CHL1: variants seen among roughly 807,000 people sequenced by gnomAD.
CHL1 encodes the protein cell adhesion molecule L1 like.
Under a neutral mutation model 141.9 loss-of-function variants are expected in CHL1, and 96 were observed. The ratio of observed to expected loss-of-function variants is 0.68; its 90% CI spans 0.57 to 0.80. CHL1 has a LOEUF of 0.80. CHL1 is among the 30% of genes least tolerant of loss of function. CHL1 has a pLI of 0.00. For synonymous variants in CHL1, 613 were observed against 502.2 expected, an observed-to-expected ratio of 1.22 and a Z score of -2.95; for missense variants, 1,820 against 1,457.2, an observed-to-expected ratio of 1.25 and a Z score of -4.05.
At chr3:234,311 C>T (rs988473920) in intron 1 of CHL1, among the ~76,000 whole-genome samples, 1 of 151,954 alleles carries the variant, frequency 6.6e-6, no homozygotes, top group Non-Finnish European at 1.5e-5. Context: ...CAATTATCCA[C>T]CTTAACCAAT....
intron 15 of CHL1, among the ~76,000 whole-genome samples, chr3:368,883 T>C (rs1281855872): frequency 6.6e-6 from 1 of 152,228 alleles, no homozygotes; most frequent in Non-Finnish European, 1.5e-5. Flanking sequence ...TTGTCAGTTT[T>C]GTCAAAGATC....
At chr3:344,022 T>C (rs1306660432) in intron 8 of CHL1, among the ~76,000 whole-genome samples, 1 of 152,156 alleles carries the variant, frequency 6.6e-6, no homozygotes, top group Non-Finnish European at 1.5e-5. Flanking sequence ...AATATGCAGG[T>C]AGTGAGGATG....
intron 9 of CHL1, among the ~76,000 whole-genome samples, chr3:345,506 C>A (rs1702696493): frequency 6.6e-6 from 1 of 151,136 alleles, no homozygotes. Flanking sequence ...TTTTTTGAGA[C>A]AGGGTCTCAC....
chr3:319,567 T>C, intron 2 of CHL1, 116 bp from the exon 3 acceptor site: 1 of 427,424 alleles, frequency 2.3e-6, no homozygotes, highest in Non-Finnish European at 3.9e-6. Context: ...AACAGTTTCA[T>C]AAGGAGGAAA....
rs1428365774 is a variant in CHL1, at chr3:394,761, C to T, written c.2983C>T (p.His995Tyr). 6.2e-7 allele frequency: 1 copy of T among 1,613,628 alleles called. No homozygotes were observed. The highest frequency in any genetic ancestry group is 8.5e-7 in the Non-Finnish European group (1 of 1,179,750). The change falls in exon 24 of 28, where the codon CAC becomes TAC. Residue 995 changes from histidine to tyrosine, a missense_variant. His to Tyr is a moderately conservative substitution (Grantham distance 83, BLOSUM62 2). Coordinates refer to ENST00000256509, the MANE Select transcript of CHL1 (RefSeq NM_006614.4). ...NITTPSKPSW[H>Y]LSNLNATTKY... ...TACAACTCCATCAAAGCCCAGCTGGCACCTCTCAAACCTGAATGCAACTAC... is the reference window on the plus strand; with the variant it reads ...TACAACTCCATCAAAGCCCAGCTGGTACCTCTCAAACCTGAATGCAACTAC...
At chr3:284,251 T>G (rs1248315323) in intron 2 of CHL1, among the ~76,000 whole-genome samples, 1 of 152,200 alleles carries the variant, frequency 6.6e-6, no homozygotes, top group Non-Finnish European at 1.5e-5. Context: ...AAGGAAGGAC[T>G]TTCTGAGGTG....
At chr3:250,678 C>G (rs1368669532) in intron 2 of CHL1, among the ~76,000 whole-genome samples, 1 of 152,026 alleles carries the variant, frequency 6.6e-6, no homozygotes, top group Non-Finnish European at 1.5e-5. Flanking sequence ...CAAAGTAAAC[C>G]TTATTGCCAA....
rs114197545 is a variant in CHL1 at position 346,488 on chromosome 3, C to T, written c.848+1779C>T. Among the ~76,000 whole-genome samples, 424 of 152,248 alleles carry T rather than the reference C, an allele frequency of 2.8e-3. 2 individuals are homozygous for T. Among genetic ancestry groups the T allele is most frequent in the African/African-American group, 9.5e-3 (394 of 41,544 alleles). ...TCTGTAATTCTTTTTTCTTATTTCC[C>T]ACAAATGCCTTCACTGACCTCTTGG... On this transcript the variant is annotated intron_variant, in intron 9 of 27. Transcript: ENST00000256509.
chr3:394,562 A>G, intron 23 of CHL1, 131 bp from the exon 24 acceptor site: 1 of 670,322 alleles, frequency 1.5e-6, no homozygotes, highest in East Asian at 2.7e-5. Context: ...TCATAGGATT[A>G]AATGAGTTGA....
chr3:344,487 A>ACACT, intron 8 of CHL1, 102 bp from the exon 9 acceptor site: 1 of 743,006 alleles, frequency 1.3e-6, no homozygotes, highest in Non-Finnish European at 2.2e-6. Flanking sequence ...ACACACACAC[A>ACACT]CACTCGTGTG....
intron 1 of CHL1, among the ~76,000 whole-genome samples, chr3:212,772 G>C (rs1700006657): frequency 6.6e-6 from 1 of 152,028 alleles, no homozygotes; most frequent in Non-Finnish European, 1.5e-5. Flanking sequence ...TCTTCTCAAA[G>C]CTCCTGTCTT....
chr3:241,839 GA>G lies in CHL1; in HGVS notation c.-174-2765del, dbSNP rs557146580. On this transcript the variant is annotated intron_variant, in intron 1 of 27. Coordinates refer to ENST00000256509, the MANE Select transcript of CHL1 (RefSeq NM_006614.4). The stretch of plus-strand genomic sequence containing the variant: ...TAAGTAAAAGAAACTAAGGGACTTT[GA>G]AAAAAAAACAACTTTTCACTAATAA... Among the ~76,000 whole-genome samples, 251 of 146,842 alleles carry G rather than the reference GA, an allele frequency of 1.7e-3. 2 individuals carry two copies. The highest frequency in any genetic ancestry group is 5.3e-3 in the African/African-American group (213 of 40,164).
chr3:229,423 A>G (rs1701669281), intron 1 of CHL1, among the ~76,000 whole-genome samples: 1 of 152,180 alleles, frequency 6.6e-6, no homozygotes, highest in African/African-American at 2.4e-5. Flanking sequence ...ATTCAGTTGC[A>G]GCCACTCCAG....
intron 2 of CHL1, among the ~76,000 whole-genome samples, chr3:286,627 A>AT (rs1553549638): frequency 6.6e-6 from 1 of 151,330 alleles, no homozygotes; most frequent in Admixed American, 6.6e-5. Context: ...AAAAAAAAAA[A>AT]ATTAAACAAA....
At chr3:359,265 A>G (rs1394312614) in intron 11 of CHL1, among the ~76,000 whole-genome samples, 1 of 151,880 alleles carries the variant, frequency 6.6e-6, no homozygotes, top group African/African-American at 2.4e-5. Context: ...TGGTCCTTAA[A>G]TGCATCAGAA....
chr3:226,533 T>C (rs1312750884), intron 1 of CHL1, among the ~76,000 whole-genome samples: 1 of 151,562 alleles, frequency 6.6e-6, no homozygotes, highest in Non-Finnish European at 1.5e-5. Flanking sequence ...CACCGCAACC[T>C]CCAACTCCCG....
chr3:353,227 C>T (rs1329726275), intron 10 of CHL1, among the ~76,000 whole-genome samples: 1 of 152,062 alleles, frequency 6.6e-6, no homozygotes, highest in Non-Finnish European at 1.5e-5. Flanking sequence ...TTTATTTCTG[C>T]ATACGTTGAA....
Position 270,459 on chromosome 3 carries a change from G to A in CHL1, c.-95+25767G>A, listed in dbSNP as rs182865513. 5.5e-4 allele frequency among the ~76,000 whole-genome samples: 84 copies of A among 152,258 alleles called. No individual in the cohort carries two copies. The East Asian group carries it at 9.7e-3, about 18-fold the overall frequency. ...GACCTGATTGGTGTTTTTACCACCT[G>A]GACCTGGAAGCACTGTCATTGACAG... On this transcript the variant is annotated intron_variant, in intron 2 of 27. Transcript: ENST00000256509.
chr3:393,249 T>C (rs922199217), intron 23 of CHL1, among the ~76,000 whole-genome samples: 1 of 68,494 alleles, frequency 1.5e-5, no homozygotes, highest in Non-Finnish European at 3.8e-5. Flanking sequence ...AAAAAAAAAG[T>C]GTTAAGAATG....
Sources: gnomAD v4.1 joint callset for allele counts (sites outside exome capture counted in the v4.1 genomes callset) on GRCh38, gnomAD v4.1.1 for gene constraint, MANE v1.5 for transcripts, NCBI Gene and HGNC (gene_info 2026-07-23, HGNC 2026-07-21) for gene names.